Variants in SAMHD1 observed in about 807,000 individuals in gnomAD.
SAMHD1 encodes the protein deoxynucleoside triphosphate triphosphohydrolase SAMHD1.
Under a neutral mutation model 79.6 loss-of-function variants are expected in SAMHD1, and 54 were observed. The ratio of observed to expected loss-of-function variants is 0.68; its 90% CI spans 0.55 to 0.85. The LOEUF (loss-of-function observed/expected upper bound fraction) is 0.85. Among genes scored for constraint, SAMHD1 ranks in the 40% least tolerant of loss-of-function variants. SAMHD1 has a pLI of 0.00. For synonymous variants in SAMHD1, 260 were observed against 264.1 expected (o/e 0.98, Z 0.15); for missense variants, 663 against 782.7 (o/e 0.85, Z 1.82).
intron 4 of SAMHD1, among the ~76,000 whole-genome samples, chr20:36,934,038 T>C (rs2063584416): frequency 6.8e-6 from 1 of 147,888 alleles, no homozygotes; most frequent in Non-Finnish European, 1.5e-5. Context: ...GGAGTGAGAC[T>C]CCATCTCAAA....
intron 11 of SAMHD1, 81 bp from the exon 12 acceptor site, chr20:36,905,584 G>A (rs1381273305): frequency 1.1e-5 from 13 of 1,225,650 alleles, no homozygotes; most frequent in African/African-American, 1.5e-5. Context: ...CTATTGAAAT[G>A]ATCTTAACAG....
chr20:36,903,902 G>T, intron 13 of SAMHD1: 1 of 364,350 alleles, frequency 2.7e-6, no homozygotes, highest in Non-Finnish European at 5.1e-6. Context: ...AAATTAAAAT[G>T]TATTACTTGT....
chr20:36,924,278 G>C (rs756503671), intron 6 of SAMHD1, among the ~76,000 whole-genome samples: 1 of 150,256 alleles, frequency 6.7e-6, no homozygotes. Flanking sequence ...AGGAGGGAAG[G>C]GGGAAGGGGA....
intron 2 of SAMHD1, among the ~76,000 whole-genome samples, chr20:36,941,875 G>A (rs1358817839): frequency 1.3e-5 from 2 of 152,144 alleles, no homozygotes; most frequent in East Asian, 3.8e-4. Flanking sequence ...ATACACAGAA[G>A]CATTATTACA....
At chr20:36,940,295 A>G (rs2063634462) in intron 3 of SAMHD1, 1 of 152,096 alleles carries the variant, frequency 6.6e-6, no homozygotes, top group Non-Finnish European at 1.5e-5. Context: ...TACATTGTTT[A>G]TGGATATACA....
At chr20:36,898,036 C>A in intron 14 of SAMHD1, 77 bp from the exon 15 acceptor site, 2 of 1,566,202 alleles carry the variant, frequency 1.3e-6, no homozygotes, top group Non-Finnish European at 8.8e-7. Flanking sequence ...AGGCTCCTAA[C>A]TATTCCTTTT....
At chr20:36,938,585 C>T (rs1370840030) in intron 3 of SAMHD1, among the ~76,000 whole-genome samples, 1 of 151,722 alleles carries the variant, frequency 6.6e-6, no homozygotes, top group Admixed American at 6.6e-5. Flanking sequence ...GCCTGTAATC[C>T]CAGCACTTTG....
At chr20:36,930,674 CTTGG>C in intron 5 of SAMHD1, 82 bp downstream of exon 5, 1 of 892,650 alleles carries the variant, frequency 1.1e-6, no homozygotes, top group Non-Finnish European at 1.9e-6. Context: ...TCCATATTCT[CTTGG>C]TTGATCTGAT....
chr20:36,913,662 G>A (rs533864246), intron 9 of SAMHD1, among the ~76,000 whole-genome samples: 36 of 148,688 alleles, frequency 2.4e-4, no homozygotes, highest in Non-Finnish European at 4.6e-4. Flanking sequence ...GACAGTTTCC[G>A]TTTTAGGCAT....
intron 8 of SAMHD1, 27 bp downstream of exon 8, chr20:36,916,922 A>G (rs1200944924): frequency 6.3e-7 from 1 of 1,588,846 alleles, no homozygotes; most frequent in South Asian, 1.1e-5. Context: ...TATTTTAGCC[A>G]ACTTTTCAGA....
chr20:36,914,508 G>A (rs896818334), intron 9 of SAMHD1, among the ~76,000 whole-genome samples: 1 of 151,682 alleles, frequency 6.6e-6, no homozygotes, highest in Non-Finnish European at 1.5e-5. Context: ...TCGCCACTGC[G>A]CCCAGCTAAT....
At position 36,923,002 on chromosome 20, in the gene SAMHD1, T is replaced by C. The variant is rs567412869; in HGVS notation, c.697-3483A>G. 1.9e-3 allele frequency among the ~76,000 whole-genome samples: 286 copies of C among 151,658 alleles called. 1 individual carries two copies. Among genetic ancestry groups the C allele is most frequent in the African/African-American group, 6.4e-3 (266 of 41,322 alleles). ...AAAATATCTATATATAAAGAGAGAG[T>C]ATTTTATTTATTTTTTGACACAGTG... On this transcript the variant is annotated intron_variant, in intron 6 of 15. Transcript: ENST00000646673.
chr20:36,940,607 A>G (rs1404542600), intron 3 of SAMHD1: 1 of 241,826 alleles, frequency 4.1e-6, no homozygotes, highest in South Asian at 4.9e-5. Context: ...GCTGAGATGG[A>G]AGGATCACTT....
At chr20:36,943,973 G>A (rs2063665128) in intron 2 of SAMHD1, among the ~76,000 whole-genome samples, 1 of 151,098 alleles carries the variant, frequency 6.6e-6, no homozygotes, top group Non-Finnish European at 1.5e-5. Flanking sequence ...AGCTACTCAG[G>A]AGGCTGAGGT....
At chr20:36,944,602 G>C (rs1445781059) in intron 2 of SAMHD1, among the ~76,000 whole-genome samples, 1 of 152,164 alleles carries the variant, frequency 6.6e-6, no homozygotes, top group African/African-American at 2.4e-5. Context: ...TTCATTTTAA[G>C]AAGTATTTAA....
intron 2 of SAMHD1, chr20:36,946,362 A>C (rs1211534231): frequency 3.8e-5 from 7 of 183,324 alleles, no homozygotes; most frequent in Non-Finnish European, 8.0e-5. Context: ...GCAGTGAGCC[A>C]AGATCACGCC....
chr20:36,911,008 A>G (rs1446698103), intron 11 of SAMHD1, among the ~76,000 whole-genome samples: 60 of 152,290 alleles, frequency 3.9e-4, no homozygotes, highest in Non-Finnish European at 1.0e-4. Context: ...TAATCCTAGC[A>G]CTTTGGGAGT....
intron 13 of SAMHD1, 46 bp from the exon 14 acceptor site, chr20:36,898,590 C>A: frequency 1.4e-6 from 2 of 1,425,702 alleles, no homozygotes; most frequent in Non-Finnish European, 2.0e-6. Flanking sequence ...AGCAGGAGAA[C>A]TGAACTCAGG....
chr20:36,929,278 C>T (rs142907042), intron 5 of SAMHD1, among the ~76,000 whole-genome samples: 1 of 151,994 alleles, frequency 6.6e-6, no homozygotes, highest in Non-Finnish European at 1.5e-5. Flanking sequence ...TGTAAGTCTC[C>T]GGGGGACATA....
Sources: allele counts gnomAD v4.1 joint callset (sites outside exome capture counted in the v4.1 genomes callset), GRCh38; gene constraint gnomAD v4.1.1; transcripts MANE v1.5; gene names NCBI Gene and HGNC (gene_info 2026-07-23, HGNC 2026-07-21).